SGK1: variants seen among roughly 807,000 people sequenced by gnomAD.
The protein encoded by SGK1 is serine/threonine-protein kinase Sgk1.
SGK1 carries 26 observed loss-of-function variants against 64.2 expected under a neutral mutation model. The observed-to-expected ratio is 0.40, with a 90% CI of 0.30 to 0.56. The LOEUF (loss-of-function observed/expected upper bound fraction) is 0.56, where lower values mean the gene tolerates loss of function less well. SGK1 is among the 20% of genes least tolerant of loss of function. SGK1 has a pLI of 0.38. For missense variants in SGK1, 519 were observed against 645.6 expected (o/e 0.80, Z 2.12); for synonymous variants, 265 against 239.7 (o/e 1.11, Z -0.98).
chr6:134,297,267 A>G, intron 1 of SGK1: 1 of 1,245,258 alleles, frequency 8.0e-7, no homozygotes, highest in Non-Finnish European at 1.2e-6. Flanking sequence ...TGCGATCTCA[A>G]TGTCCAGGGC....
chr6:134,202,042 C>G (rs1775695327), intron 3 of SGK1, among the ~76,000 whole-genome samples: 1 of 151,974 alleles, frequency 6.6e-6, no homozygotes, highest in Non-Finnish European at 1.5e-5. Context: ...ACTCTAGGCA[C>G]ATCATAGTCA....
intron 2 of SGK1, among the ~76,000 whole-genome samples, chr6:134,219,808 C>T (rs1363203652): frequency 6.7e-6 from 1 of 149,220 alleles, no homozygotes; most frequent in Non-Finnish European, 1.5e-5. Context: ...GCCTGTAGTC[C>T]CAGCACTTTG....
chr6:134,264,550 C>T (rs892914877), intron 1 of SGK1, among the ~76,000 whole-genome samples: 2 of 152,116 alleles, frequency 1.3e-5, no homozygotes, highest in African/African-American at 4.8e-5. Context: ...TTATATTCAA[C>T]CAATTAGTGA....
chr6:134,175,589 C>T, intron 3 of SGK1: 1 of 1,570,188 alleles, frequency 6.4e-7, no homozygotes. Flanking sequence ...TGCGCCTCGG[C>T]CCTCTTTTTG....
intron 2 of SGK1, among the ~76,000 whole-genome samples, chr6:134,238,762 C>T (rs1160705167): frequency 1.3e-5 from 2 of 152,176 alleles, no homozygotes; most frequent in Non-Finnish European, 2.9e-5. Context: ...TATCAAAGTG[C>T]ATTCTACCGA....
intron 3 of SGK1, chr6:134,174,929 G>A (rs1775173740): frequency 3.3e-6 from 5 of 1,515,924 alleles, no homozygotes; most frequent in Admixed American, 2.2e-5. Context: ...CTGCGCGACA[G>A]TGAGAAGTGG....
intron 1 of SGK1, among the ~76,000 whole-genome samples, chr6:134,308,585 C>A (rs1238366972): frequency 1.3e-5 from 2 of 152,102 alleles, no homozygotes; most frequent in East Asian, 3.9e-4. Context: ...GAGACAGAGT[C>A]TCTCTCTGTC....
intron 3 of SGK1, among the ~76,000 whole-genome samples, chr6:134,184,107 C>T (rs1444091748): frequency 3.9e-5 from 6 of 152,010 alleles, no homozygotes; most frequent in Non-Finnish European, 7.4e-5. Flanking sequence ...CTAGTGTCTG[C>T]CCGAGGGACT....
intron 2 of SGK1, among the ~76,000 whole-genome samples, chr6:134,240,291 C>CAA (rs148740677): frequency 0.019 from 1,638 of 84,336 alleles, 43 homozygotes; most frequent in African/African-American, 0.066. Context: ...GACTCCATCT[C>CAA]AAAAAAAAAA....
intron 3 of SGK1, among the ~76,000 whole-genome samples, chr6:134,200,475 T>C (rs1016802643): frequency 6.6e-6 from 1 of 152,246 alleles, no homozygotes; most frequent in African/African-American, 2.4e-5. Context: ...TGTCAAAATC[T>C]AGGCAATTCT....
chr6:134,226,223 T>A (rs190108440), intron 2 of SGK1, among the ~76,000 whole-genome samples: 17 of 152,176 alleles, frequency 1.1e-4, no homozygotes, highest in African/African-American at 3.9e-4. Flanking sequence ...AGCTCCAAAC[T>A]CCTATACCCC....
intron 1 of SGK1, among the ~76,000 whole-genome samples, chr6:134,309,032 GAA>G (rs1777574776): frequency 6.6e-6 from 1 of 152,096 alleles, no homozygotes; most frequent in Non-Finnish European, 1.5e-5. Flanking sequence ...ACCTAGGAGG[GAA>G]AAAGAGGCCA....
At chr6:134,228,964 C>G (rs1009994835) in intron 2 of SGK1, among the ~76,000 whole-genome samples, 2 of 152,096 alleles carry the variant, frequency 1.3e-5, no homozygotes, top group Admixed American at 6.6e-5. Context: ...CTGCCTCAGC[C>G]TCCTGAGTAG....
intron 1 of SGK1, among the ~76,000 whole-genome samples, chr6:134,304,925 G>A (rs952283897): frequency 1.4e-4 from 21 of 152,122 alleles, no homozygotes; most frequent in African/African-American, 5.1e-4. Context: ...GCAAACCTAA[G>A]AGATTATATC....
intron 3 of SGK1, among the ~76,000 whole-genome samples, chr6:134,192,688 G>GCCT (rs1264205802): frequency 1.7e-4 from 26 of 149,314 alleles, no homozygotes; most frequent in African/African-American, 5.2e-4. Flanking sequence ...CCCCACCTCA[G>GCCT]CCTCCCGAGT....
Position 134,170,836 on chromosome 6 carries a change from T to A in SGK1, c.1403A>T (p.Asn468Ile), listed in dbSNP as rs1249502084. Reference protein sequence around the residue: ...LINKKITPPFNPNVSGPNDLR... With the variant: ...LINKKITPPFIPNVSGPNDLR... ...GAGACAGATACTCACCACATTTGGG[T>A]TAAAAGGGGGAGTAATCTTCTTATT... The change falls in exon 13 of 14, where the codon AAC becomes ATC. Residue 468 changes from asparagine (N) to isoleucine (I), a missense_variant. Physicochemically the swap from Asn to Ile is moderately radical, Grantham distance 149. Around this residue, in one of 2 missense-constraint regions of SGK1, gnomAD observed 278 missense variants for 408.7 expected, o/e 0.68. Transcript: ENST00000367858. 1 of 1,600,584 alleles carries A rather than the reference T, an allele frequency of 6.2e-7. No individual in the cohort carries two copies. The highest frequency in any genetic ancestry group is 8.6e-7 in the Non-Finnish European group (1 of 1,167,872).
chr6:134,314,324 G>A, intron 1 of SGK1, among the ~76,000 whole-genome samples: 1 of 151,908 alleles, frequency 6.6e-6, no homozygotes, highest in South Asian at 2.1e-4. Flanking sequence ...TTTTGGTAGT[G>A]GCATAAAGAT....
intron 1 of SGK1, among the ~76,000 whole-genome samples, chr6:134,305,874 G>C (rs1777527685): frequency 6.6e-6 from 1 of 152,094 alleles, no homozygotes; most frequent in Admixed American, 6.6e-5. Flanking sequence ...ATTTCTATAT[G>C]AGTTTTCAGA....
At chr6:134,274,612 A>G (rs1352104434) in intron 1 of SGK1, among the ~76,000 whole-genome samples, 2 of 150,688 alleles carry the variant, frequency 1.3e-5, no homozygotes. Flanking sequence ...AGCTTTTTGG[A>G]TTTTCAGATT....
Sources: allele counts gnomAD v4.1 joint callset (sites outside exome capture counted in the v4.1 genomes callset), GRCh38; gene constraint gnomAD v4.1.1; regional missense constraint gnomAD v4.1.1; transcripts MANE v1.5; gene names NCBI Gene and HGNC (gene_info 2026-07-23, HGNC 2026-07-21).